Variants in CLDN10 observed in about 807,000 individuals in gnomAD.
The protein encoded by CLDN10 is claudin 10.
A neutral mutation model predicts 22.9 loss-of-function variants in CLDN10; 15 were observed. The ratio of observed to expected loss-of-function variants is 0.65; its 90% CI spans 0.44 to 1.01. The LOEUF (loss-of-function observed/expected upper bound fraction) is 1.01, where lower values mean the gene tolerates loss of function less well. Among genes scored for constraint, CLDN10 ranks in the 50% least tolerant of loss-of-function variants. The probability of loss-of-function intolerance (pLI) is 0.00; values close to 1 mark genes in which losing one functional copy is unlikely to be tolerated. For synonymous variants in CLDN10, 114 were observed against 111.4 expected (o/e 1.02, Z -0.15); for missense variants, 247 against 287.8 (o/e 0.86, Z 1.03).
chr13:95,450,940 G>A (rs1302231439), intron 1 of CLDN10, among the ~76,000 whole-genome samples: 1 of 152,214 alleles, frequency 6.6e-6, no homozygotes, highest in East Asian at 1.9e-4. Flanking sequence ...CTCTGTGCAT[G>A]CACCACTGTA....
intron 1 of CLDN10, among the ~76,000 whole-genome samples, chr13:95,465,563 A>T (rs902124350): frequency 5.9e-5 from 9 of 152,228 alleles, no homozygotes; most frequent in African/African-American, 2.2e-4. Flanking sequence ...CACTACAAAA[A>T]TACTCACTGG....
intron 1 of CLDN10, among the ~76,000 whole-genome samples, chr13:95,472,474 G>A (rs899489931): frequency 2.0e-5 from 3 of 152,072 alleles, no homozygotes; most frequent in African/African-American, 7.2e-5. Context: ...TTGAGGTCAG[G>A]AGTTTGAGAC....
At chr13:95,492,388 G>T (rs770415089) in intron 1 of CLDN10, among the ~76,000 whole-genome samples, 16 of 152,044 alleles carry the variant, frequency 1.1e-4, no homozygotes, top group Non-Finnish European at 1.5e-4. Flanking sequence ...CTGGAATTGT[G>T]TACCTAGGAG....
At chr13:95,490,969 T>C (rs1012252698) in intron 1 of CLDN10, among the ~76,000 whole-genome samples, 6 of 152,208 alleles carry the variant, frequency 3.9e-5, no homozygotes, top group African/African-American at 1.2e-4. Flanking sequence ...TTTAGGATTG[T>C]GATAGCTTCC....
intron 3 of CLDN10, among the ~76,000 whole-genome samples, chr13:95,564,814 A>C (rs1283300439): frequency 6.6e-6 from 1 of 152,204 alleles, no homozygotes; most frequent in Non-Finnish European, 1.5e-5. Flanking sequence ...CAGCAGGCAC[A>C]TGGCAGGCAG....
chr13:95,543,143 A>G (rs1246290815), intron 1 of CLDN10, among the ~76,000 whole-genome samples: 1 of 152,200 alleles, frequency 6.6e-6, no homozygotes, highest in Non-Finnish European at 1.5e-5. Context: ...GAGGCATGAG[A>G]ATTGCTTGAA....
chr13:95,482,917 T>G (rs568497328), intron 1 of CLDN10, among the ~76,000 whole-genome samples: 81 of 152,332 alleles, frequency 5.3e-4, no homozygotes, highest in African/African-American at 1.9e-3. Context: ...AGGCAGAGGT[T>G]GCAATGAGCC....
chr13:95,451,219 A>G (rs968204430), intron 1 of CLDN10, among the ~76,000 whole-genome samples: 3 of 152,194 alleles, frequency 2.0e-5, no homozygotes, highest in Non-Finnish European at 4.4e-5. Context: ...TGTCCTTTTC[A>G]GTCCTCCTGC....
upstream of CLDN10, among the ~76,000 whole-genome samples, chr13:95,550,712 T>G (rs768166867): frequency 6.6e-6 from 1 of 151,766 alleles, no homozygotes; most frequent in Non-Finnish European, 1.5e-5. Flanking sequence ...GATAAAACAC[T>G]TTAAAAAGGC....
At chr13:95,500,943 C>T (rs572107386) in intron 1 of CLDN10, among the ~76,000 whole-genome samples, 14 of 152,094 alleles carry the variant, frequency 9.2e-5, no homozygotes, top group Non-Finnish European at 1.6e-4. Context: ...GCAGAGAGGG[C>T]GCGGCATGTA....
chr13:95,475,835 CCTCTCT>C (rs150351390), intron 1 of CLDN10, among the ~76,000 whole-genome samples: 1 of 142,568 alleles, frequency 7.0e-6, no homozygotes, highest in Non-Finnish European at 1.6e-5. Flanking sequence ...TCCCTCTTTC[CCTCTCT>C]CTCTCTCTCT....
At chr13:95,476,085 G>A (rs1041640774) in intron 1 of CLDN10, among the ~76,000 whole-genome samples, 1 of 152,152 alleles carries the variant, frequency 6.6e-6, no homozygotes, top group Non-Finnish European at 1.5e-5. Flanking sequence ...GAGGGGAGGA[G>A]CTGGTTTGGG....
At chr13:95,440,928 T>G (rs1456335094) in intron 1 of CLDN10, among the ~76,000 whole-genome samples, 4 of 152,242 alleles carry the variant, frequency 2.6e-5, no homozygotes, top group African/African-American at 9.6e-5. Context: ...CTGGGGATCC[T>G]AAAGCAGTGT....
chr13:95,490,182 T>A (rs2138514193), intron 1 of CLDN10, among the ~76,000 whole-genome samples: 1 of 152,286 alleles, frequency 6.6e-6, no homozygotes, highest in Admixed American at 6.5e-5. Flanking sequence ...TTTTGCTTAG[T>A]CCTGGTTTGG....
intron 1 of CLDN10, among the ~76,000 whole-genome samples, chr13:95,443,514 C>T (rs771190599): frequency 2.0e-5 from 3 of 152,094 alleles, no homozygotes; most frequent in Non-Finnish European, 2.9e-5. Context: ...CACGCGAGAC[C>T]ACGCAGGGAA....
At chr13:95,471,440 C>CACAT (rs746573300) in intron 1 of CLDN10, among the ~76,000 whole-genome samples, 3 of 104,382 alleles carry the variant, frequency 2.9e-5, no homozygotes, top group East Asian at 3.3e-4. Context: ...CACACACACA[C>CACAT]ATATATATAT....
chr13:95,470,490 T>G (rs547283976), intron 1 of CLDN10, among the ~76,000 whole-genome samples: 1 of 152,062 alleles, frequency 6.6e-6, no homozygotes, highest in South Asian at 2.1e-4. Context: ...TAGTAACCAT[T>G]TACACAAAGA....
chr13:95,541,879 T>G lies in CLDN10; in HGVS notation c.215-18253T>G, dbSNP rs186183197. 1.4e-3 allele frequency among the ~76,000 whole-genome samples: 207 copies of G among 152,346 alleles called. 2 individuals are homozygous for G. Among genetic ancestry groups the G allele is most frequent in the African/African-American group, 4.7e-3 (197 of 41,588 alleles). ...AAAAATGTATTCTATGTTTGTTACCTCACAACTATGTTAGTCCATTCTCAC... is the reference window on the plus strand; with the variant it reads ...AAAAATGTATTCTATGTTTGTTACCGCACAACTATGTTAGTCCATTCTCAC... On this transcript the variant is annotated intron_variant, in intron 1 of 4. Coordinates refer to the CLDN10 transcript ENST00000376873.
chr13:95,573,118 T>A (rs1182787533), intron 3 of CLDN10, among the ~76,000 whole-genome samples: 1 of 152,220 alleles, frequency 6.6e-6, no homozygotes, highest in Non-Finnish European at 1.5e-5. Context: ...ACCTTAGATC[T>A]TTATGGTTTC....
Sources: gnomAD v4.1 joint callset for allele counts (sites outside exome capture counted in the v4.1 genomes callset) on GRCh38, gnomAD v4.1.1 for gene constraint, MANE v1.5 for transcripts, NCBI Gene and HGNC (gene_info 2026-07-23, HGNC 2026-07-21) for gene names.